CELSR1: variants seen among roughly 807,000 people sequenced by gnomAD.
CELSR1 encodes the protein cadherin EGF LAG seven-pass G-type receptor 1.
CELSR1 carries 110 observed loss-of-function variants against 249.1 expected under a neutral mutation model. The ratio of observed to expected loss-of-function variants is 0.44; its 90% CI spans 0.38 to 0.52. The LOEUF (loss-of-function observed/expected upper bound fraction) is 0.52, where lower values mean the gene tolerates loss of function less well. Ranked by LOEUF, CELSR1 falls within the 20% of genes least tolerant of loss-of-function variation. The pLI is 0.00. For missense variants in CELSR1, 4,109 were observed against 4,296.4 expected, an observed-to-expected ratio of 0.96 and a Z score of 1.22; for synonymous variants, 2,113 against 1,900.0, an observed-to-expected ratio of 1.11 and a Z score of -2.92.
intron 22 of CELSR1, among the ~76,000 whole-genome samples, chr22:46,379,927 AC>A (rs1320177481): frequency 6.6e-6 from 1 of 151,900 alleles, no homozygotes; most frequent in South Asian, 2.1e-4. Context: ...TTCCCACCAC[AC>A]CCCCGTTCCA....
intron 22 of CELSR1, among the ~76,000 whole-genome samples, chr22:46,379,460 C>T (rs1412685373): frequency 6.6e-6 from 1 of 152,210 alleles, no homozygotes; most frequent in Non-Finnish European, 1.5e-5. Context: ...CAACATAAAG[C>T]AGAGAGCAGG....
rs201608542 is a variant in CELSR1, at chr22:46,410,365, C to A, written c.4933+33G>T. On this transcript the variant is annotated intron_variant, in intron 7 of 34. Transcript: ENST00000674500. The surrounding 1 kb of genome is among the most constrained non-coding windows in gnomAD (Gnocchi z 6.8). ...GCCGACGTCCAGCCAGATGCCACTG[C>A]GGCAGCTCCGACGCCCTGACGGCCA... 3.8e-6 allele frequency: 6 copies of A among 1,598,148 alleles called. No individual in the cohort carries two copies. Among genetic ancestry groups the A allele is most frequent in the South Asian group, 1.1e-5 (1 of 90,256 alleles).
At chr22:46,397,950 G>A in intron 11 of CELSR1, 102 bp from the exon 12 acceptor site, 1 of 981,088 alleles carries the variant, frequency 1.0e-6, no homozygotes, top group Non-Finnish European at 1.4e-6. Context: ...GCATTCATCT[G>A]TGATGCCTCA....
chr22:46,371,950 C>T (rs1015193222), intron 25 of CELSR1, among the ~76,000 whole-genome samples: 1 of 150,534 alleles, frequency 6.6e-6, no homozygotes, highest in African/African-American at 2.4e-5. Context: ...CTCAGCCCTT[C>T]ATCCCTCCCA....
At chr22:46,524,390 A>G (rs905421895) in intron 1 of CELSR1, among the ~76,000 whole-genome samples, 8 of 152,264 alleles carry the variant, frequency 5.3e-5, no homozygotes, top group African/African-American at 1.9e-4. Context: ...GTAAGCCTCC[A>G]AACAAGGCCC....
At chr22:46,533,218 G>A (rs2080810190) in intron 1 of CELSR1, among the ~76,000 whole-genome samples, 1 of 152,210 alleles carries the variant, frequency 6.6e-6, no homozygotes, top group African/African-American at 2.4e-5. Flanking sequence ...TTGGCACTGG[G>A]AAGGGGCAGT....
rs1028368960 is a variant in CELSR1 at position 46,402,405 on chromosome 22, C to T, written c.5227-2503G>A. Among the ~76,000 whole-genome samples the T allele has an allele frequency of 6.6e-6, 1 of 151,904 alleles. No individual in the cohort carries two copies. The highest frequency in any genetic ancestry group is 1.5e-5 in the Non-Finnish European group (1 of 67,984). On this transcript the variant is annotated intron_variant, in intron 9 of 34. Transcript: ENST00000674500. The surrounding 1 kb of genome is among the most constrained non-coding windows in gnomAD (Gnocchi z 5.0). ...TAATTTTCTGTATTTTTAGTAGAGA[C>T]GGGGCTTCTCCATGTTGGTCAGGCT...
rs747709660 is a variant in CELSR1, at chr22:46,436,421, G to A, written c.4407-132C>T. 6.3e-6 allele frequency: 4 copies of A among 630,856 alleles called. No individual in the cohort carries two copies. Among genetic ancestry groups the A allele is most frequent in the Non-Finnish European group, 1.1e-5 (4 of 351,894 alleles). 39.1% of individuals were successfully genotyped at this position (630,856 alleles called of 1,614,324 possible). ...TTCAGGAAAGAATGGTGTCAGGCAT[G>A]CGTCCTTCTCATAGGAGCAGACAGC... On this transcript the variant is annotated intron_variant, in intron 3 of 34. Coordinates refer to ENST00000674500, the MANE Select transcript of CELSR1 (RefSeq NM_001378328.1). The surrounding 1 kb of genome is among the most constrained non-coding windows in gnomAD (Gnocchi z 5.9).
At chr22:46,438,090 G>A (rs547274064) in intron 3 of CELSR1, among the ~76,000 whole-genome samples, 3 of 152,210 alleles carry the variant, frequency 2.0e-5, no homozygotes, top group African/African-American at 7.2e-5. Context: ...CGCTGGCGAC[G>A]GAGCAATAAA....
chr22:46,416,412 G>T (rs1297010777), intron 5 of CELSR1, among the ~76,000 whole-genome samples: 1 of 152,210 alleles, frequency 6.6e-6, no homozygotes, highest in African/African-American at 2.4e-5. Context: ...CCCCTTGCAG[G>T]AAAGGCAATT....
At position 46,409,842 on chromosome 22, in the gene CELSR1, A is replaced by C. The variant is rs1602095552; in HGVS notation, c.4972T>G (p.Cys1658Gly). 1 of 1,613,668 alleles carries C rather than the reference A, an allele frequency of 6.2e-7. No homozygotes were observed. The highest frequency in any genetic ancestry group is 8.5e-7 in the Non-Finnish European group (1 of 1,179,942). The change falls in exon 8 of 35, where the codon TGT becomes GGT. Residue 1658 changes from cysteine (C) to glycine (G), a missense_variant. Around this residue, in one of 7 missense-constraint regions of CELSR1, gnomAD observed 453 missense variants for 492.0 expected, o/e 0.92. Transcript: ENST00000674500. This position sits in a 1 kb window ranked among gnomAD's most constrained non-coding sequence, Gnocchi z 9.8. The part of the protein sequence containing the change: ...ARRNFCDGRR[C>G]QNGGTCVNRW... ...TTGACACAGGTGCCTCCATTCTGAC[A>C]CCGCCTCCCATCGCAGAAGTTCCTC...
intron 1 of CELSR1, among the ~76,000 whole-genome samples, chr22:46,515,879 G>C (rs2080621791): frequency 6.6e-6 from 1 of 152,218 alleles, no homozygotes; most frequent in African/African-American, 2.4e-5. Context: ...AATGAGTTCA[G>C]AGAAATGCAA....
chr22:46,510,773 A>G (rs1250437147), intron 1 of CELSR1, among the ~76,000 whole-genome samples: 1 of 152,192 alleles, frequency 6.6e-6, no homozygotes, highest in Non-Finnish European at 1.5e-5. Flanking sequence ...TCCTATTCTG[A>G]AAAGCAACTT....
chr22:46,419,936 C>T (rs764360227), intron 5 of CELSR1, among the ~76,000 whole-genome samples: 27 of 152,046 alleles, frequency 1.8e-4, no homozygotes, highest in Non-Finnish European at 3.5e-4. Flanking sequence ...TACACTTACC[C>T]AAACTCATGC....
At position 46,446,157 on chromosome 22, in the gene CELSR1, G is replaced by A. The variant is rs560970998; in HGVS notation, c.4184-6746C>T. Among the ~76,000 whole-genome samples the A allele has an allele frequency of 9.2e-5, 14 of 152,250 alleles. No homozygotes were observed. Among genetic ancestry groups the A allele is most frequent in the Admixed American group, 2.6e-4 (4 of 15,300 alleles). On this transcript the variant is annotated intron_variant, in intron 2 of 34. Coordinates refer to ENST00000674500, the MANE Select transcript of CELSR1 (RefSeq NM_001378328.1). The surrounding 1 kb of genome is among the most constrained non-coding windows in gnomAD (Gnocchi z 5.5). ...CCCTCCACACCATACTCACGAGCCT[G>A]TGCCGGCCCCACTGTCTCCCTCCTC... is the stretch of plus-strand genomic sequence containing the variant.
In CELSR1 at chr22:46,381,600, T is replaced by C. The variant is rs2147218329; in HGVS notation, c.7088+246A>G. Among the ~76,000 whole-genome samples the C allele has an allele frequency of 6.6e-6, 1 of 152,324 alleles. No homozygotes were observed. Among genetic ancestry groups the C allele is most frequent in the Middle Eastern group, 3.4e-3 (1 of 294 alleles). The stretch of plus-strand genomic sequence containing the variant: ...GTGTATGCTGGGGAGGGGGCATTTC[T>C]GGCACAAACACCAGGATGAGCCCAG... On this transcript the variant is annotated intron_variant, in intron 21 of 34. Coordinates refer to ENST00000674500, the MANE Select transcript of CELSR1 (RefSeq NM_001378328.1). The surrounding 1 kb of genome is among the most constrained non-coding windows in gnomAD (Gnocchi z 6.0).
At chr22:46,477,844 C>T (rs142093162) in intron 1 of CELSR1, among the ~76,000 whole-genome samples, 17 of 152,174 alleles carry the variant, frequency 1.1e-4, no homozygotes, top group African/African-American at 3.6e-4. Context: ...GAGGAACCCC[C>T]GGGCTTCAGC....
intron 2 of CELSR1, among the ~76,000 whole-genome samples, chr22:46,456,673 A>T (rs2079957066): frequency 6.6e-6 from 1 of 151,204 alleles, no homozygotes; most frequent in Non-Finnish European, 1.5e-5. Flanking sequence ...AAAAAAAAAA[A>T]AAAAAAAAAA....
At position 46,430,328 on chromosome 22, in the gene CELSR1, C is replaced by A. The variant is rs967620332; in HGVS notation, c.4611+3065G>T. ...CCAAAAATGCAAAAACCAAAACCAG[C>A]GAGGTGGTGTGGCAGGTAAATGGAG... On this transcript the variant is annotated intron_variant, in intron 5 of 34. Transcript: ENST00000674500. This position sits in a 1 kb window ranked among gnomAD's most constrained non-coding sequence, Gnocchi z 4.6. Among the ~76,000 whole-genome samples the A allele has an allele frequency of 1.3e-5, 2 of 152,138 alleles. No homozygotes were observed. The highest frequency in any genetic ancestry group is 2.9e-5 in the Non-Finnish European group (2 of 68,028).
Sources: gnomAD v4.1 joint callset for allele counts (sites outside exome capture counted in the v4.1 genomes callset) on GRCh38, gnomAD v4.1.1 for gene constraint, gnomAD v4.1.1 regional missense constraint, Gnocchi (gnomAD v3.1) non-coding constraint, MANE v1.5 for transcripts, NCBI Gene and HGNC (gene_info 2026-07-23, HGNC 2026-07-21) for gene names.